Variants in CSNK2A3 observed in about 807,000 individuals in gnomAD.
The protein encoded by CSNK2A3 is casein kinase 2 alpha 3, also known as casein kinase II subunit alpha 3.
In CSNK2A3, 31 loss-of-function variants were observed where a neutral mutation model predicts 36.5. The ratio of observed to expected loss-of-function variants is 0.85; its 90% CI spans 0.64 to 1.15. CSNK2A3 has a LOEUF of 1.15. CSNK2A3 is among the 50% of genes most tolerant of loss of function. CSNK2A3 has a pLI of 0.00. For synonymous variants in CSNK2A3, 152 were observed against 176.3 expected, an observed-to-expected ratio of 0.86 and a Z score of 1.09; for missense variants, 443 against 487.2, an observed-to-expected ratio of 0.91 and a Z score of 0.85.
Position 11,352,116 on chromosome 11 carries a change from C to T in CSNK2A3, c.1004G>A (p.Gly335Asp). The change falls in exon 1 of 1, where the codon GGT becomes GAT. Residue 335 changes from glycine (G) to aspartate (D), a missense_variant. Gly to Asp is a moderately conservative substitution (Grantham distance 94). Transcript: ENST00000528848. ...ACTGCCCCCTGGCATGCTAGATGAA[C>T]CCATTCGAGCCTGGTCCTTCACAAC... Reference protein sequence around the residue: ...YTVVKDQARMGSSSMPGGSTP... With the variant: ...YTVVKDQARMDSSSMPGGSTP... 2 of 1,613,528 alleles carry T rather than the reference C, an allele frequency of 1.2e-6. No individual in the cohort carries two copies. Among genetic ancestry groups the T allele is most frequent in the African/African-American group, 1.3e-5 (1 of 74,792 alleles).
chr11:11,351,949 G>A, the CSNK2A3 span: 2 of 1,589,760 alleles, frequency 1.3e-6, no homozygotes, highest in South Asian at 1.1e-5. Flanking sequence ...GGCCGTTACT[G>A]CTGAGCGCCA....
chr11:11,352,280 T>C lies in CSNK2A3; in HGVS notation c.840A>G (p.Arg280=). Residue 280 remains arginine, a synonymous_variant, in exon 1 of 1, where the codon CGA becomes CGG. Transcript: ENST00000528848. ...TTTCACTGTGGACAAAGCGTTCCCA[T>C]CGCTTTCGAGAGTGTCTGCCCAAGA... ...NDILGRHSRK[R]WERFVHSENQ... 1 of 1,614,094 alleles carries C rather than the reference T, an allele frequency of 6.2e-7. No individual in the cohort carries two copies. Among genetic ancestry groups the C allele is most frequent in the Non-Finnish European group, 8.5e-7 (1 of 1,180,022 alleles).
Position 11,352,882 on chromosome 11 carries a change from G to A in CSNK2A3, c.238C>T (p.Arg80Cys), listed in dbSNP as rs779553280. 71 of 1,613,936 alleles carry A rather than the reference G, an allele frequency of 4.4e-5. No homozygotes were observed. The highest frequency in any genetic ancestry group is 2.7e-4 in the East Asian group (12 of 44,886). The change falls in exon 1 of 1, where the codon CGT (arginine) becomes TGT (cysteine). Residue 80 changes from arginine (R) to cysteine (C), a missense_variant. Arg to Cys is a radical substitution (Grantham distance 180). Transcript: ENST00000528848. ...AAATTCTCCAAAATCTTTATTTCACGCTTAATTTTCTTCTTTTTTACTGGC... is the reference window on the plus strand; with the variant it reads ...AAATTCTCCAAAATCTTTATTTCACACTTAATTTTCTTCTTTTTTACTGGC... ...LKPVKKKKIK[R>C]EIKILENLRG...
rs1373709282 is a variant in CSNK2A3 at position 11,352,368 on chromosome 11, G to T, written c.752C>A (p.Thr251Lys). The T allele has an allele frequency of 6.2e-7, 1 of 1,614,016 alleles. No homozygotes were observed. Among genetic ancestry groups the T allele is most frequent in the Non-Finnish European group, 8.5e-7 (1 of 1,180,024 alleles). The change falls in exon 1 of 1, where the codon ACA (threonine) becomes AAA (lysine). Residue 251 changes from threonine to lysine, a missense_variant. Physicochemically the swap from Thr to Lys is moderately conservative, Grantham distance 78. Transcript: ENST00000528848. ...GTCAATATAGCCATATAAATCTTCTGTCCCCAGAAACTTGGCTATCCTCAC... is the reference window on the plus strand; with the variant it reads ...GTCAATATAGCCATATAAATCTTCTTTCCCCAGAAACTTGGCTATCCTCAC... Reference protein sequence around the residue: ...QLVRIAKFLGTEDLYGYIDKY... With the variant: ...QLVRIAKFLGKEDLYGYIDKY...
rs771097539 is a variant in CSNK2A3, at chr11:11,352,064, C to T, written c.1056G>A (p.Met352Ile). The T allele has an allele frequency of 1.9e-6, 3 of 1,613,790 alleles. No individual in the cohort carries two copies. Among genetic ancestry groups the T allele is most frequent in the South Asian group, 1.1e-5 (1 of 91,046 alleles). Reference sequence around the variant, plus strand: ...GAGTTGGCACTGAAGAAATCCCTGACATCACATTGGCGCTGCTGACGGGCG... The same window carrying T: ...GAGTTGGCACTGAAGAAATCCCTGATATCACATTGGCGCTGCTGACGGGCG... Reference protein sequence around the residue: ...GSTPVSSANVMSGISSVPTPS... With the variant: ...GSTPVSSANVISGISSVPTPS... Residue 352 changes from methionine to isoleucine, a missense_variant, in exon 1 of 1, where the codon ATG becomes ATA. Met to Ile is a conservative substitution (Grantham distance 10). Transcript: ENST00000528848.
In CSNK2A3 at chr11:11,352,749, A is replaced by G; in HGVS notation, c.371T>C (p.Leu124Ser). ...EHVNNTDFKQLYQTLTDYDIR... is the reference protein window; with the variant it reads ...EHVNNTDFKQSYQTLTDYDIR... ...ATCATAGTCTGTTAACGTCTGGTAC[A>G]ATTGCTTGAAGTCTGTGTTGTTTAC... The change falls in exon 1 of 1, where the codon TTG becomes TCG. Residue 124 changes from leucine to serine, a missense_variant. Coordinates refer to ENST00000528848, the MANE Select transcript of CSNK2A3 (RefSeq NM_001256686.2). The G allele has an allele frequency of 6.2e-7, 1 of 1,614,134 alleles. No homozygotes were observed. The highest frequency in any genetic ancestry group is 1.3e-5 in the African/African-American group (1 of 75,012).
Position 11,352,625 on chromosome 11 carries a change from A to G in CSNK2A3, c.495T>C (p.Asp165=). 6.2e-7 allele frequency: 1 copy of G among 1,614,166 alleles called. No individual in the cohort carries two copies. Among genetic ancestry groups the G allele is most frequent in the African/African-American group, 1.3e-5 (1 of 75,044 alleles). ...TTAGTCGTAGCTTTCTGTGCTCATG[A>G]TCAATCATGACATTATGGGGCTTGA... ...RDVKPHNVMI[D]HEHRKLRLID... Residue 165 remains aspartate (D), a synonymous_variant, in exon 1 of 1, where the codon GAT becomes GAC. Transcript: ENST00000528848.
the CSNK2A3 span, chr11:11,352,742 CTG>C: frequency 6.2e-7 from 1 of 1,614,150 alleles, no homozygotes; most frequent in South Asian, 1.1e-5. Flanking sequence ...CTGTTAACGT[CTG>C]GTACAATTGC....
At position 11,352,950 on chromosome 11, in the gene CSNK2A3, A is replaced by G. The variant is rs1235617917; in HGVS notation, c.170T>C (p.Ile57Thr). 1 of 1,614,116 alleles carries G rather than the reference A, an allele frequency of 6.2e-7. No individual in the cohort carries two copies. Among genetic ancestry groups the G allele is most frequent in the East Asian group, 2.2e-5 (1 of 44,878 alleles). The change falls in exon 1 of 1, where the codon ATC becomes ACC. Residue 57 changes from isoleucine to threonine, a missense_variant. Transcript: ENST00000528848. ...RGKYSEVFEA[I>T]NITNNEKVVV... ...AACTTTTTCATTATTTGTGATGTTG[A>G]TGGCTTCAAATACTTCACTGTATTT... is the stretch of plus-strand genomic sequence containing the variant.
In CSNK2A3 at chr11:11,352,782, A is replaced by G; in HGVS notation, c.338T>C (p.Phe113Ser). ...DPVSRTPALV[F>S]EHVNNTDFKQ... Reference sequence around the variant, plus strand: ...GAAGTCTGTGTTGTTTACGTGTTCAAAAACCAAGGCGGGGGTTCGTGACAC... The same window carrying G: ...GAAGTCTGTGTTGTTTACGTGTTCAGAAACCAAGGCGGGGGTTCGTGACAC... Residue 113 changes from phenylalanine to serine, a missense_variant, in exon 1 of 1, where the codon TTT (phenylalanine) becomes TCT (serine). By Grantham distance (155) the Phe-to-Ser change is radical (BLOSUM62 -2). Transcript: ENST00000528848. 1.2e-6 allele frequency: 2 copies of G among 1,614,194 alleles called. No individual in the cohort carries two copies. Among genetic ancestry groups the G allele is most frequent in the Non-Finnish European group, 1.7e-6 (2 of 1,180,028 alleles).
chr11:11,352,637 A>G lies in CSNK2A3; in HGVS notation c.483T>C (p.Asn161=), dbSNP rs750936677. ...TTCTGTGCTCATGATCAATCATGAC[A>G]TTATGGGGCTTGACATCTCTGTGCA... is the stretch of plus-strand genomic sequence containing the variant. ...GIMHRDVKPH[N]VMIDHEHRKL... is the part of the protein sequence containing the mutation. Residue 161 remains asparagine, a synonymous_variant, in exon 1 of 1, where the codon AAT becomes AAC. Coordinates refer to ENST00000528848, the MANE Select transcript of CSNK2A3 (RefSeq NM_001256686.2). The G allele has an allele frequency of 1.2e-6, 2 of 1,614,196 alleles. No homozygotes were observed. The highest frequency in any genetic ancestry group is 1.3e-5 in the African/African-American group (1 of 75,068).
rs1335412544 is a variant in CSNK2A3, at chr11:11,352,725, T to A, written c.395A>T (p.Asp132Val). 6.2e-7 allele frequency: 1 copy of A among 1,614,110 alleles called. No individual in the cohort carries two copies. Among genetic ancestry groups the A allele is most frequent in the East Asian group, 2.2e-5 (1 of 44,872 alleles). Reference protein sequence around the residue: ...KQLYQTLTDYDIRFYMYEILK... With the variant: ...KQLYQTLTDYVIRFYMYEILK... The stretch of plus-strand genomic sequence containing the variant: ...AATCTCATACATGTAAAATCGAATA[T>A]CATAGTCTGTTAACGTCTGGTACAA... The change falls in exon 1 of 1, where the codon GAT (aspartate) becomes GTT (valine). Residue 132 changes from aspartate (D) to valine (V), a missense_variant. Transcript: ENST00000528848.
chr11:11,353,134 C>G lies in CSNK2A3; in HGVS notation c.-15G>C. The G allele has an allele frequency of 2.5e-6, 4 of 1,613,526 alleles. No individual in the cohort carries two copies. The highest frequency in any genetic ancestry group is 3.4e-6 in the Non-Finnish European group (4 of 1,179,602). On this transcript the variant is annotated 5_prime_UTR_variant, in exon 1 of 1. Transcript: ENST00000528848. Reference sequence around the variant, plus strand: ...GGTCCCGACATGTCAGACAGGTTGGCGGACAAAGCTGGACTTGATGTTTGG... The same window carrying G: ...GGTCCCGACATGTCAGACAGGTTGGGGGACAAAGCTGGACTTGATGTTTGG...
chr11:11,352,123 G>A, the CSNK2A3 span: 77 of 1,613,514 alleles, frequency 4.8e-5, 1 homozygote, highest in South Asian at 6.3e-4. Flanking sequence ...GAACCCATTC[G>A]AGCCTGGTCC....
In CSNK2A3 at chr11:11,353,194, G is replaced by C. The variant is rs992881230; in HGVS notation, c.-75C>G. 7.4e-5 allele frequency: 117 copies of C among 1,585,996 alleles called. No individual in the cohort carries two copies. The highest frequency in any genetic ancestry group is 1.1e-4 in the African/African-American group (8 of 74,356). ...AGTCACTGTGTTCAGAAGCAGCTTG[G>C]GGGTAAGACCTTGTTTCAGACCTGT... is the stretch of plus-strand genomic sequence containing the variant. On this transcript the variant is annotated 5_prime_UTR_variant, in exon 1 of 1. Coordinates refer to ENST00000528848, the MANE Select transcript of CSNK2A3 (RefSeq NM_001256686.2).
rs1234350542 is a variant in CSNK2A3 at position 11,352,054 on chromosome 11, A to T, written c.1066T>A (p.Ser356Thr). The change falls in exon 1 of 1, where the codon TCT becomes ACT. Residue 356 changes from serine to threonine, a missense_variant. Ser to Thr is a moderately conservative substitution (Grantham distance 58, BLOSUM62 1). Transcript: ENST00000528848. ...VSSANVMSGI[S>T]SVPTPSPLGP... ...AGGGGTGAAGGAGTTGGCACTGAAG[A>T]AATCCCTGACATCACATTGGCGCTG... 6.2e-7 allele frequency: 1 copy of T among 1,613,802 alleles called. No homozygotes were observed. The highest frequency in any genetic ancestry group is 8.5e-7 in the Non-Finnish European group (1 of 1,179,966).
In CSNK2A3 at chr11:11,353,084, G is replaced by A; in HGVS notation, c.36C>T (p.Tyr12=). 1.9e-6 allele frequency: 3 copies of A among 1,614,176 alleles called. No homozygotes were observed. In the South Asian group the frequency reaches 3.3e-5, roughly 18 times the overall value. The change falls in exon 1 of 1, where the codon TAC becomes TAT. Residue 12 remains tyrosine (Y), a synonymous_variant. Coordinates refer to ENST00000528848, the MANE Select transcript of CSNK2A3 (RefSeq NM_001256686.2). ...GAGGTCTGTGTGTATTAACATCTGT[G>A]TAAACTCTGGCCCTGCTTGGCACGG... ...SGPVPSRARV[Y]TDVNTHRPRE...
In CSNK2A3 at chr11:11,351,953, A is replaced by G. The variant is rs529690687; in HGVS notation, c.1167T>C (p.Ala389=). 1 of 1,593,188 alleles carries G rather than the reference A, an allele frequency of 6.3e-7. No homozygotes were observed. The highest frequency in any genetic ancestry group is 1.3e-5 in the African/African-American group (1 of 74,506). ...GAGACAGATAGGGCCGTTACTGCTG[A>G]GCGCCAGTGGCAGCTGGAACAGGCA... is the stretch of plus-strand genomic sequence containing the variant. The part of the protein sequence containing the change: ...LGMPVPAATG[A]QQ The change falls in exon 1 of 1, where the codon GCT becomes GCC. Residue 389 remains alanine, a synonymous_variant. Transcript: ENST00000528848.
Position 11,352,807 on chromosome 11 carries a change from C to T in CSNK2A3, c.313G>A (p.Val105Met). ...ITLADIVKDP[V>M]SRTPALVFEH... ...AAAACCAAGGCGGGGGTTCGTGACA[C>T]AGGGTCTTTTACAATGTCTGCCAGT... The change falls in exon 1 of 1, where the codon GTG (valine) becomes ATG (methionine). Residue 105 changes from valine to methionine, a missense_variant. Transcript: ENST00000528848. The T allele has an allele frequency of 6.2e-7, 1 of 1,614,190 alleles. No individual in the cohort carries two copies. The highest frequency in any genetic ancestry group is 8.5e-7 in the Non-Finnish European group (1 of 1,180,040).
Sources: gnomAD v4.1 joint callset for allele counts on GRCh38, gnomAD v4.1.1 for gene constraint, MANE v1.5 for transcripts, NCBI Gene and HGNC (gene_info 2026-07-23, HGNC 2026-07-21) for gene names.